The following CPEB1 variants were observed in gnomAD, a reference collection of about 807,000 sequenced individuals.
The protein encoded by CPEB1 is cytoplasmic polyadenylation element binding protein 1.
CPEB1 carries 7 observed loss-of-function variants against 65.8 expected under a neutral mutation model. The observed-to-expected ratio is 0.11, with a 90% CI of 0.06 to 0.20. The LOEUF is 0.20. Among genes scored for constraint, CPEB1 ranks in the 10% least tolerant of loss-of-function variants. CPEB1 has a pLI of 1.00. For missense variants in CPEB1, 551 were observed against 712.2 expected (o/e 0.77, Z 2.58); for synonymous variants, 262 against 260.0 (o/e 1.01, Z -0.08).
At chr15:82,568,778 G>A (rs760264999) in intron 4 of CPEB1, among the ~76,000 whole-genome samples, 7 of 152,128 alleles carry the variant, frequency 4.6e-5, no homozygotes, top group East Asian at 1.9e-4. Flanking sequence ...TGATAGCCAC[G>A]GAGATTCTTA....
chr15:82,602,765 G>A (rs1159327958), intron 3 of CPEB1, among the ~76,000 whole-genome samples: 1 of 152,154 alleles, frequency 6.6e-6, no homozygotes, highest in Admixed American at 6.5e-5. Context: ...AGAATCGCTT[G>A]AACCCGGGAG....
In CPEB1 at chr15:82,556,035, G is replaced by A. The variant is rs774102152; in HGVS notation, c.775C>T (p.Arg259Trp). 1.2e-5 allele frequency: 19 copies of A among 1,613,326 alleles called. No individual in the cohort carries two copies. The highest frequency in any genetic ancestry group is 6.7e-5 in the East Asian group (3 of 44,854). The part of the protein sequence containing the change: ...RDPLKMGVGS[R>W]MDQEQAALAA... ...AGAGCAGCTTGCTCTTGGTCCATCCGAGACCCTACCCCCATCTTTAAAGGG... is the reference window on the plus strand; with the variant it reads ...AGAGCAGCTTGCTCTTGGTCCATCCAAGACCCTACCCCCATCTTTAAAGGG... Residue 259 changes from arginine (R) to tryptophan (W), a missense_variant, in exon 6 of 13, where the codon CGG becomes TGG. Coordinates refer to ENST00000684509, the MANE Select transcript of CPEB1 (RefSeq NM_001365242.1).
At chr15:82,627,766 A>G (rs2045896199) in intron 2 of CPEB1, among the ~76,000 whole-genome samples, 1 of 152,216 alleles carries the variant, frequency 6.6e-6, no homozygotes, top group Non-Finnish European at 1.5e-5. Context: ...GTTGTACAAC[A>G]AGAAGGTCTG....
At position 82,546,646 on chromosome 15, in the gene CPEB1, C is replaced by T. The variant is rs111663762; in HGVS notation, c.1576-125G>A. 1,040 of 744,028 alleles carry T rather than the reference C, an allele frequency of 1.4e-3. 9 individuals carry two copies. The African/African-American group carries it at 0.015, about 11-fold the overall frequency. The allele number at this position is 744,028 out of a possible 1,614,324, so 46.1% of individuals were successfully genotyped here. On this transcript the variant is annotated intron_variant, in intron 11 of 12. Transcript: ENST00000684509. ...GGGATATTGGAATGCAGGATATTTG[C>T]CTGTTTTAAAGGAGGCTTGGAGAGA...
chr15:82,642,737 A>AT (rs2047209382), intron 1 of CPEB1, among the ~76,000 whole-genome samples: 1 of 152,196 alleles, frequency 6.6e-6, no homozygotes, highest in South Asian at 2.1e-4. Flanking sequence ...CCCCAGAGTC[A>AT]GTACAGTTTA....
At chr15:82,646,327 C>G (rs907169081) in intron 1 of CPEB1, among the ~76,000 whole-genome samples, 2 of 152,186 alleles carry the variant, frequency 1.3e-5, no homozygotes, top group African/African-American at 2.4e-5. Context: ...TCCCCACCAA[C>G]GACACAGCCC....
rs368694664 is a variant in CPEB1, at chr15:82,549,638, T to C, written c.1302A>G (p.Val434=). The change falls in exon 10 of 13, where the codon GTA becomes GTG. Residue 434 remains valine, a synonymous_variant. Transcript: ENST00000684509. The part of the protein sequence containing the change: ...RCKEVQVIPW[V]LADSNFVRSP... ...TCCGGACAAAGTTACTGTCGGCTAA[T>C]ACCCAGGGGATCACCTGCACCTGAA... 121 of 1,614,002 alleles carry C rather than the reference T, an allele frequency of 7.5e-5. No homozygotes were observed. The highest frequency in any genetic ancestry group is 1.3e-4 in the Admixed American group (8 of 60,000).
At chr15:82,553,607 G>C in intron 7 of CPEB1, 51 bp from the exon 8 acceptor site, 1 of 1,343,682 alleles carries the variant, frequency 7.4e-7, no homozygotes, top group Middle Eastern at 1.8e-4. Flanking sequence ...ATCTTTCCCA[G>C]TAAAGACACA....
chr15:82,549,411 T>TAC (rs1462426562), intron 10 of CPEB1, 49 bp downstream of exon 10: 1 of 1,598,842 alleles, frequency 6.3e-7, no homozygotes, highest in Admixed American at 1.7e-5. Context: ...AATCTTGGTC[T>TAC]ACTCCCAGGG....
At chr15:82,563,916 G>A (rs1305975344) in intron 4 of CPEB1, among the ~76,000 whole-genome samples, 1 of 151,882 alleles carries the variant, frequency 6.6e-6, no homozygotes, top group Non-Finnish European at 1.5e-5. Context: ...ATCAGCAGAG[G>A]GAAATCAAGC....
chr15:82,602,548 A>G (rs937438531), intron 3 of CPEB1, among the ~76,000 whole-genome samples: 2 of 152,078 alleles, frequency 1.3e-5, no homozygotes, highest in Admixed American at 1.3e-4. Context: ...ATCCAGAAAT[A>G]TATGTATATA....
chr15:82,616,537 A>AT (rs35713948), intron 3 of CPEB1, among the ~76,000 whole-genome samples: 10,838 of 137,632 alleles, frequency 0.079, 607 homozygotes, highest in African/African-American at 0.13. Flanking sequence ...CTCTTTTTAA[A>AT]TTTTTTTTTT....
chr15:82,584,213 C>T lies in CPEB1; in HGVS notation c.272-12681G>A, dbSNP rs1411505708. Among the ~76,000 whole-genome samples the T allele has an allele frequency of 1.2e-4, 17 of 137,244 alleles. 1 individual carries two copies. Among genetic ancestry groups the T allele is most frequent in the African/African-American group, 2.5e-4 (9 of 35,820 alleles). The allele number at this position is 137,244 out of a possible 152,430, so 90.0% of individuals were successfully genotyped here. On this transcript the variant is annotated intron_variant, in intron 3 of 12. Transcript: ENST00000684509. ...GGCAGAGCTTGCAGTGAGTGGAGAT[C>T]GCACCACTGCACTCCAGCCTGGGTG...
At chr15:82,557,547 A>G in intron 5 of CPEB1, 1 of 513,824 alleles carries the variant, frequency 1.9e-6, no homozygotes, top group South Asian at 3.4e-5. Context: ...CAGGTCCTGC[A>G]ATGTATTGCT....
At chr15:82,612,801 T>C (rs1002207032) in intron 3 of CPEB1, among the ~76,000 whole-genome samples, 4 of 151,890 alleles carry the variant, frequency 2.6e-5, no homozygotes, top group Middle Eastern at 3.4e-3. Context: ...ACCACTGCAC[T>C]CCAGCCTGGG....
chr15:82,589,373 T>A (rs2042041964), intron 3 of CPEB1, among the ~76,000 whole-genome samples: 1 of 152,226 alleles, frequency 6.6e-6, no homozygotes, highest in Non-Finnish European at 1.5e-5. Flanking sequence ...GGGCGGCAAT[T>A]TAATCACTAA....
At chr15:82,550,135 C>A (rs777269168) in intron 9 of CPEB1, among the ~76,000 whole-genome samples, 34 of 152,108 alleles carry the variant, frequency 2.2e-4, no homozygotes, top group Non-Finnish European at 1.5e-4. Context: ...ACTGGCCCAA[C>A]CTAGCCTTCA....
At position 82,627,370 on chromosome 15, in the gene CPEB1, A is replaced by G; in HGVS notation, c.97-3T>C. 6.2e-7 allele frequency: 1 copy of G among 1,603,568 alleles called. No individual in the cohort carries two copies. Among genetic ancestry groups the G allele is most frequent in the East Asian group, 2.2e-5 (1 of 44,820 alleles). ...TTTATCCTTCCTGCTTCTTCTTCCT[A>G]GACACAGAAAAAAAAAGATATTTAG... On this transcript the variant is annotated splice_region_variant and splice_polypyrimidine_tract_variant and intron_variant, in intron 2 of 12. Transcript: ENST00000684509.
intron 3 of CPEB1, among the ~76,000 whole-genome samples, chr15:82,599,835 A>C (rs2042954705): frequency 2.0e-5 from 3 of 152,220 alleles, no homozygotes; most frequent in African/African-American, 7.2e-5. Context: ...GATGGAGTTT[A>C]ACAGCCAAAT....
Sources: allele counts gnomAD v4.1 joint callset (sites outside exome capture counted in the v4.1 genomes callset), GRCh38; gene constraint gnomAD v4.1.1; transcripts MANE v1.5; gene names NCBI Gene and HGNC (gene_info 2026-07-23, HGNC 2026-07-21).